The following LTBP1 variants were observed in gnomAD, a reference collection of about 807,000 sequenced individuals.
LTBP1 encodes latent transforming growth factor beta binding protein 1.
LTBP1 carries 129 observed loss-of-function variants against 207.6 expected under a neutral mutation model. The observed-to-expected ratio is 0.62, with a 90% CI of 0.54 to 0.72. LTBP1 has a LOEUF of 0.72. Ranked by LOEUF, LTBP1 falls within the 30% of genes least tolerant of loss-of-function variation. The pLI is 0.00. For missense variants in LTBP1, 2,281 were observed against 2,217.2 expected, an observed-to-expected ratio of 1.03 and a Z score of -0.58; for synonymous variants, 963 against 833.7, an observed-to-expected ratio of 1.16 and a Z score of -2.67.
At chr2:33,094,454 A>T (rs1279759343) in intron 3 of LTBP1, among the ~76,000 whole-genome samples, 6 of 152,198 alleles carry the variant, frequency 3.9e-5, no homozygotes, top group African/African-American at 1.4e-4. Flanking sequence ...TTCTTTTGCA[A>T]TCAGTTTCCT....
At chr2:33,275,133 G>GT (rs1338170552) in intron 17 of LTBP1, 43 bp downstream of exon 17, 1 of 1,608,592 alleles carries the variant, frequency 6.2e-7, no homozygotes, top group Admixed American at 1.7e-5. Context: ...TTAGATCTGA[G>GT]TTTTTAGATC....
chr2:33,067,705 G>T (rs1205026708), intron 3 of LTBP1, among the ~76,000 whole-genome samples: 1 of 152,148 alleles, frequency 6.6e-6, no homozygotes, highest in Non-Finnish European at 1.5e-5. Context: ...AAGAGGATAT[G>T]CATAGATTAG....
At chr2:32,948,846 C>T (rs1185120716) in intron 1 of LTBP1, 29 bp from the exon 2 acceptor site, 3 of 1,607,824 alleles carry the variant, frequency 1.9e-6, no homozygotes. Context: ...CTTTCTGCTG[C>T]TGGACTCAGC....
intron 24 of LTBP1, among the ~76,000 whole-genome samples, chr2:33,316,446 T>C (rs570387005): frequency 1.3e-5 from 2 of 152,274 alleles, no homozygotes; most frequent in South Asian, 4.1e-4. Flanking sequence ...AACTAATTAT[T>C]ATATTGGGAG....
intron 31 of LTBP1, among the ~76,000 whole-genome samples, chr2:33,384,311 C>T (rs764181422): frequency 3.4e-4 from 52 of 152,306 alleles, no homozygotes; most frequent in African/African-American, 1.2e-3. Context: ...TACTTAGCGA[C>T]GGCGTCCCAT....
intron 9 of LTBP1, 137 bp downstream of exon 9, chr2:33,222,288 G>C (rs2091161077): frequency 3.1e-6 from 2 of 638,584 alleles, no homozygotes; most frequent in Middle Eastern, 2.5e-4. Context: ...TTTGGCTAAG[G>C]AAATGTAAGG....
rs1396149406 is a variant in LTBP1, at chr2:32,999,617, C to T, written c.566-21292C>T. ...TCAAAAAGATCCAGAGGCGGCTGGG[C>T]GCGGTGGCTCACGCCTGTAATCCCA... On this transcript the variant is annotated intron_variant, in intron 2 of 33. Coordinates refer to ENST00000404816, the MANE Select transcript of LTBP1 (RefSeq NM_206943.4). Among the ~76,000 whole-genome samples, 4 of 134,094 alleles carry T rather than the reference C, an allele frequency of 3.0e-5. 1 individual carries two copies. Among genetic ancestry groups the T allele is most frequent in the African/African-American group, 7.8e-5 (3 of 38,534 alleles). 88.0% of individuals were successfully genotyped at this position (134,094 alleles called of 152,430 possible).
intron 31 of LTBP1, among the ~76,000 whole-genome samples, chr2:33,373,834 T>G (rs2095102328): frequency 6.6e-6 from 1 of 152,192 alleles, no homozygotes; most frequent in African/African-American, 2.4e-5. Context: ...TTAGTATAAT[T>G]TATTCCTAAA....
intron 26 of LTBP1, among the ~76,000 whole-genome samples, chr2:33,348,083 T>A (rs914277121): frequency 6.6e-6 from 1 of 152,242 alleles, no homozygotes; most frequent in African/African-American, 2.4e-5. Context: ...GTTTTCCAGA[T>A]AAATTAATCA....
chr2:33,287,275 A>T (rs1312261818), intron 19 of LTBP1, among the ~76,000 whole-genome samples: 1 of 152,212 alleles, frequency 6.6e-6, no homozygotes, highest in African/African-American at 2.4e-5. Context: ...TGATTCCCAA[A>T]CAAGTGAATG....
rs536084846 is a variant in LTBP1, at chr2:33,146,680, C to T, written c.1201+11720C>T. Among the ~76,000 whole-genome samples the T allele has an allele frequency of 3.9e-5, 6 of 152,270 alleles. No individual in the cohort carries two copies. In the South Asian group the frequency reaches 1.2e-3, roughly 32 times the overall value. On this transcript the variant is annotated intron_variant, in intron 5 of 33. Transcript: ENST00000404816. The stretch of plus-strand genomic sequence containing the variant: ...GGGGAGGCCTCAGGAAGCTTACAAT[C>T]ATGGTGGAAGGCAAAGGGGAAGCAG...
At chr2:33,358,657 C>T (rs1365813275) in intron 26 of LTBP1, among the ~76,000 whole-genome samples, 2 of 152,022 alleles carry the variant, frequency 1.3e-5, no homozygotes, top group Non-Finnish European at 1.5e-5. Flanking sequence ...ACCCGATTAC[C>T]AAAACCCTGT....
intron 5 of LTBP1, among the ~76,000 whole-genome samples, chr2:33,166,188 A>T (rs1665252785): frequency 6.6e-6 from 1 of 152,122 alleles, no homozygotes; most frequent in Admixed American, 6.6e-5. Context: ...TTTTGTAAAA[A>T]TATTTCATTA....
At chr2:33,383,094 G>A (rs368916865) in intron 31 of LTBP1, among the ~76,000 whole-genome samples, 7 of 152,190 alleles carry the variant, frequency 4.6e-5, no homozygotes, top group Non-Finnish European at 8.8e-5. Flanking sequence ...AGTGGCTCAC[G>A]CCTGTAATCC....
rs75296571 is a variant in LTBP1 at position 33,137,345 on chromosome 2, G to T, written c.1201+2385G>T. Among the ~76,000 whole-genome samples, 1,053 of 152,248 alleles carry T rather than the reference G, an allele frequency of 6.9e-3. 2 individuals carry two copies. The highest frequency in any genetic ancestry group is 0.012 in the Non-Finnish European group (790 of 68,014). On this transcript the variant is annotated intron_variant, in intron 5 of 33. Transcript: ENST00000404816. ...AAAAATTCAAAATTTACTGTCACTT[G>T]TCAGCTACTCCCTTTGATCTCTAAT...
At chr2:33,275,762 TG>T in intron 17 of LTBP1, 38 bp from the exon 18 acceptor site, 2 of 1,613,084 alleles carry the variant, frequency 1.2e-6, no homozygotes, top group Non-Finnish European at 1.7e-6. Flanking sequence ...AAACAGTATT[TG>T]GAACACAAAA....
chr2:33,087,488 T>C (rs1022537715), intron 3 of LTBP1, among the ~76,000 whole-genome samples: 1 of 152,210 alleles, frequency 6.6e-6, no homozygotes, highest in Non-Finnish European at 1.5e-5. Context: ...ACATTCTACT[T>C]TAAGATGAGA....
At chr2:33,191,535 T>G (rs1031734999) in intron 7 of LTBP1, among the ~76,000 whole-genome samples, 1 of 152,234 alleles carries the variant, frequency 6.6e-6, no homozygotes, top group Non-Finnish European at 1.5e-5. Flanking sequence ...ACTGCCCAAT[T>G]AATTTGTGCA....
At chr2:33,130,918 A>C (rs768899873) in intron 4 of LTBP1, among the ~76,000 whole-genome samples, 11 of 152,174 alleles carry the variant, frequency 7.2e-5, no homozygotes, top group Non-Finnish European at 1.0e-4. Context: ...CAAAGGACCA[A>C]GCACAGAAGT....
Sources: allele counts gnomAD v4.1 joint callset (sites outside exome capture counted in the v4.1 genomes callset), GRCh38; gene constraint gnomAD v4.1.1; transcripts MANE v1.5; gene names NCBI Gene and HGNC (gene_info 2026-07-23, HGNC 2026-07-21).